KANK3: variants seen among roughly 807,000 people sequenced by gnomAD.
KANK3 encodes KN motif and ankyrin repeat domain-containing protein 3.
In KANK3, 61 loss-of-function variants were observed where a neutral mutation model predicts 65.4. The ratio of observed to expected loss-of-function variants is 0.93; its 90% CI spans 0.76 to 1.15. The LOEUF (loss-of-function observed/expected upper bound fraction) is 1.15. KANK3 is among the 50% of genes most tolerant of loss of function. The pLI is 0.00. For synonymous variants in KANK3, 586 were observed against 543.3 expected, an observed-to-expected ratio of 1.08 and a Z score of -1.09; for missense variants, 1,187 against 1,178.8, an observed-to-expected ratio of 1.01 and a Z score of -0.10.
At chr19:8,332,904 T>C (rs1471316129) in intron 7 of KANK3, 110 bp downstream of exon 7, 1 of 766,718 alleles carries the variant, frequency 1.3e-6, no homozygotes, top group Non-Finnish European at 2.3e-6. Flanking sequence ...TGCCCTGTGC[T>C]GGACAGCCAT....
At position 8,324,621 on chromosome 19, in the gene KANK3, G is replaced by A. The variant is rs181309788; in HGVS notation, c.2283+9C>T. On this transcript the variant is annotated intron_variant, in intron 9 of 10. Transcript: ENST00000330915. The stretch of plus-strand genomic sequence containing the variant: ...CCCCCAAGATGCCAGCCCCATTGTG[G>A]GGTCTTACATTGTCCAGGATGGCAG... 67 of 1,613,498 alleles carry A rather than the reference G, an allele frequency of 4.2e-5. No homozygotes were observed. In the African/African-American group the frequency reaches 7.6e-4, roughly 18 times the overall value.
chr19:8,325,049 T>G lies in KANK3; in HGVS notation c.1984A>C (p.Met662Leu). ...RQNRAGYSAL[M>L]LAALTSVRQE... ...CTCACAGAGGTGAGTGCAGCCAGCATGAGGGCCGAGTAGCCGGCTCGGTTC... is the reference window on the plus strand; with the variant it reads ...CTCACAGAGGTGAGTGCAGCCAGCAGGAGGGCCGAGTAGCCGGCTCGGTTC... Residue 662 changes from methionine (M) to leucine (L), a missense_variant, in exon 8 of 11, where the codon ATG becomes CTG. Physicochemically the swap from Met to Leu is conservative, Grantham distance 15 (BLOSUM62 2). This residue lies in a region of KANK3 where 1,078 missense variants were observed against 1,038.2 expected (regional missense o/e 1.04). Coordinates refer to ENST00000330915, the MANE Select transcript of KANK3 (RefSeq NM_198471.3). 6.2e-7 allele frequency: 1 copy of G among 1,613,892 alleles called. No individual in the cohort carries two copies. The highest frequency in any genetic ancestry group is 1.3e-5 in the African/African-American group (1 of 75,020).
intron 1 of KANK3, among the ~76,000 whole-genome samples, chr19:8,342,469 A>AC (rs970596934): frequency 6.6e-6 from 1 of 150,566 alleles, no homozygotes; most frequent in African/African-American, 2.5e-5. Context: ...TGTGCCTGAG[A>AC]CCCCCTCATT....
chr19:8,329,013 C>CA (rs61115106), intron 7 of KANK3, among the ~76,000 whole-genome samples: 40,026 of 150,260 alleles, frequency 0.27, 5,610 homozygotes, highest in African/African-American at 0.34. Context: ...ACTAAAAATA[C>CA]AAAAAAAATT....
chr19:8,332,859 TTAAAA>T (rs1568574247), intron 7 of KANK3, 150 bp downstream of exon 7: 10 of 420,304 alleles, frequency 2.4e-5, no homozygotes, highest in Admixed American at 8.8e-5. Flanking sequence ...AATAATAAAA[TTAAAA>T]TAAAATAAAA....
At chr19:8,329,793 C>T (rs944342609) in intron 7 of KANK3, among the ~76,000 whole-genome samples, 1 of 152,198 alleles carries the variant, frequency 6.6e-6, no homozygotes, top group Non-Finnish European at 1.5e-5. Flanking sequence ...TCTTAGGCTT[C>T]TGCTGTCCCT....
At chr19:8,324,569 C>T (rs372748157) in intron 9 of KANK3, 22 bp from the exon 10 acceptor site, 1 of 1,612,712 alleles carries the variant, frequency 6.2e-7, no homozygotes, top group African/African-American at 1.3e-5. Flanking sequence ...TAGGGACAGT[C>T]AGATCCCTGA....
chr19:8,335,845 G>A (rs888103229), intron 2 of KANK3, 53 bp from the exon 3 acceptor site: 3 of 1,182,964 alleles, frequency 2.5e-6, no homozygotes, highest in Admixed American at 4.2e-5. Flanking sequence ...GGAAACCCGG[G>A]AGATACTAAA....
At chr19:8,327,652 A>G (rs1970452715) in intron 7 of KANK3, among the ~76,000 whole-genome samples, 1 of 151,834 alleles carries the variant, frequency 6.6e-6, no homozygotes, top group South Asian at 2.1e-4. Context: ...AAATTAGCTG[A>G]GTGTGGTGGT....
Position 8,335,146 on chromosome 19 carries a change from C to T in KANK3, c.681G>A (p.Gly227=), listed in dbSNP as rs1970610927. The change falls in exon 3 of 11, where the codon GGG becomes GGA. Residue 227 remains glycine (G), a synonymous_variant. Coordinates refer to ENST00000330915, the MANE Select transcript of KANK3 (RefSeq NM_198471.3). Reference sequence around the variant, plus strand: ...CCCCGTCCGGCTCGGGCTGCGCGCGCCCGGCCAGCAGCCGCGCCTTCTCGG... The same window carrying T: ...CCCCGTCCGGCTCGGGCTGCGCGCGTCCGGCCAGCAGCCGCGCCTTCTCGG... ...LRAEKARLLA[G]RAQPEPDGEA... The T allele has an allele frequency of 8.2e-7, 1 of 1,223,154 alleles. No individual in the cohort carries two copies. The highest frequency in any genetic ancestry group is 1.0e-6 in the Non-Finnish European group (1 of 983,606). 75.8% of individuals were successfully genotyped at this position (1,223,154 alleles called of 1,614,324 possible).
chr19:8,326,642 A>AAG (rs1970434063), intron 7 of KANK3, among the ~76,000 whole-genome samples: 1 of 150,668 alleles, frequency 6.6e-6, no homozygotes, highest in African/African-American at 2.4e-5. Context: ...AAAAAAAAAA[A>AAG]AAAAATTAGT....
intron 7 of KANK3, among the ~76,000 whole-genome samples, chr19:8,331,438 T>C (rs1299596356): frequency 1.3e-5 from 2 of 151,816 alleles, no homozygotes; most frequent in Non-Finnish European, 2.9e-5. Flanking sequence ...CCTGCAGGGA[T>C]GGGAGGGATC....
At chr19:8,326,745 C>T (rs1249971879) in intron 7 of KANK3, among the ~76,000 whole-genome samples, 2 of 150,168 alleles carry the variant, frequency 1.3e-5, no homozygotes, top group African/African-American at 2.5e-5. Flanking sequence ...TGCAGTGAGC[C>T]GAGATTGCGC....
rs910188851 is a variant in KANK3 at position 8,332,288 on chromosome 19, G to A, written c.1936+726C>T. On this transcript the variant is annotated intron_variant, in intron 7 of 10. Transcript: ENST00000330915. ...TGCCTCCCAGGTTCAAGCAATTCTC[G>A]TGCCTCAGCCTCCTGAGTAGCTGGA... Among the ~76,000 whole-genome samples the A allele has an allele frequency of 3.3e-5, 5 of 151,800 alleles. No individual in the cohort carries two copies. The East Asian group carries it at 5.9e-4, about 18-fold the overall frequency.
At chr19:8,324,392 C>T (rs1167606468) in intron 10 of KANK3, 57 bp downstream of exon 10, 6 of 1,480,464 alleles carry the variant, frequency 4.1e-6, no homozygotes, top group East Asian at 2.5e-5. Context: ...TATTTACTAT[C>T]CTCTGCAAAC....
chr19:8,333,510 G>A lies in KANK3; in HGVS notation c.1719+214C>T, dbSNP rs1970567541. 6.6e-6 allele frequency among the ~76,000 whole-genome samples: 1 copy of A among 152,172 alleles called. No individual in the cohort carries two copies. The highest frequency in any genetic ancestry group is 6.5e-5 in the Admixed American group (1 of 15,272). On this transcript the variant is annotated intron_variant, in intron 6 of 10. Transcript: ENST00000330915. This position sits in a 1 kb window ranked among gnomAD's most constrained non-coding sequence, Gnocchi z 5.0. The stretch of plus-strand genomic sequence containing the variant: ...GGAAAGGCAATGAACGCTTGCCCTT[G>A]GGGAGTCCGGGAGTGGGGCTGGGGC...
At position 8,333,749 on chromosome 19, in the gene KANK3, C is replaced by T; in HGVS notation, c.1694G>A (p.Arg565Gln). The T allele has an allele frequency of 2.0e-6, 3 of 1,478,870 alleles. No homozygotes were observed. Among genetic ancestry groups the T allele is most frequent in the Non-Finnish European group, 1.8e-6 (2 of 1,111,654 alleles). The allele number at this position is 1,478,870 out of a possible 1,614,324, so 91.6% of individuals were successfully genotyped here. ...GCCGTCGCTGGCTACTCCGCGGGGC[C>T]GGCTCAGCTGCCGCTGCAGCGCTAC... The part of the protein sequence containing the change: ...ACVALQRQLS[R>Q]PRGVASDGGA... Residue 565 changes from arginine to glutamine, a missense_variant, in exon 6 of 11, where the codon CGG becomes CAG. Transcript: ENST00000330915. The surrounding 1 kb of genome is among the most constrained non-coding windows in gnomAD (Gnocchi z 5.0).
In KANK3 at chr19:8,335,021, G is replaced by GC; in HGVS notation, c.805dup (p.Ala269GlyfsTer2). On this transcript the variant is annotated frameshift_variant, in exon 3 of 11. Coordinates refer to ENST00000330915, the MANE Select transcript of KANK3 (RefSeq NM_198471.3). LOFTEE classifies it high-confidence loss of function. ...TGCAGCCAGGCCGTCTGGGCTGTCA[G>GC]CCCGGGGGCTGGCCCTGGCACGGCC... 2.1e-6 allele frequency: 3 copies of GC among 1,441,848 alleles called. No individual in the cohort carries two copies. Among genetic ancestry groups the GC allele is most frequent in the Non-Finnish European group, 2.7e-6 (3 of 1,106,570 alleles). The allele number at this position is 1,441,848 out of a possible 1,614,324, so 89.3% of individuals were successfully genotyped here. A position where few individuals can be genotyped will look rare whatever the true frequency, so the allele number is the denominator to read the frequency against.
Position 8,325,095 on chromosome 19 carries a change from C to G in KANK3, c.1938G>C (p.Gly646=). 2.5e-6 allele frequency: 4 copies of G among 1,609,294 alleles called. No individual in the cohort carries two copies. Residue 646 remains glycine (G), a splice_region_variant and synonymous_variant, in exon 8 of 11, where the codon GGG becomes GGC. Coordinates refer to ENST00000330915, the MANE Select transcript of KANK3 (RefSeq NM_198471.3). ...LAIASLLLDT[G]ACEVNRQNRA... The stretch of plus-strand genomic sequence containing the variant: ...GGTTCTGGCGGTTGACCTCGCAGGC[C>G]CCTGGGAGAGAAAAGGGGGCCGTCC...
Sources: gnomAD v4.1 joint callset for allele counts (sites outside exome capture counted in the v4.1 genomes callset) on GRCh38, gnomAD v4.1.1 for gene constraint, gnomAD v4.1.1 regional missense constraint, Gnocchi (gnomAD v3.1) non-coding constraint, MANE v1.5 for transcripts, NCBI Gene and HGNC (gene_info 2026-07-23, HGNC 2026-07-21) for gene names.